Variants in CNTNAP2 observed in about 807,000 individuals in gnomAD.
CNTNAP2 encodes the protein contactin-associated protein-like 2.
CNTNAP2 carries 98 observed loss-of-function variants against 155.2 expected under a neutral mutation model. The observed-to-expected ratio is 0.63, with a 90% confidence interval of 0.54 to 0.75. CNTNAP2 has a LOEUF of 0.75. Among genes scored for constraint, CNTNAP2 ranks in the 30% least tolerant of loss-of-function variants. The pLI is 0.00. For missense variants in CNTNAP2, 1,727 were observed against 1,688.1 expected, an observed-to-expected ratio of 1.02 and a Z score of -0.40; for synonymous variants, 651 against 631.2, an observed-to-expected ratio of 1.03 and a Z score of -0.47.
At chr7:146,172,935 G>A (rs149382546) in intron 1 of CNTNAP2, among the ~76,000 whole-genome samples, 1 of 152,286 alleles carries the variant, frequency 6.6e-6, no homozygotes, top group Non-Finnish European at 1.5e-5. Flanking sequence ...AGGTCCTGAA[G>A]TACTAAAGCC....
At chr7:147,069,967 G>A (rs1421435061) in intron 4 of CNTNAP2, among the ~76,000 whole-genome samples, 2 of 152,128 alleles carry the variant, frequency 1.3e-5, no homozygotes, top group African/African-American at 4.8e-5. Context: ...CAGCATAGAG[G>A]AATAATCTAT....
At chr7:147,069,123 C>G (rs1799841917) in intron 4 of CNTNAP2, among the ~76,000 whole-genome samples, 1 of 152,060 alleles carries the variant, frequency 6.6e-6, no homozygotes, top group African/African-American at 2.4e-5. Context: ...CACTCATCAC[C>G]CGGGGAAGGG....
At chr7:148,325,234 C>T (rs947971062) in intron 21 of CNTNAP2, among the ~76,000 whole-genome samples, 2 of 152,214 alleles carry the variant, frequency 1.3e-5, no homozygotes, top group African/African-American at 2.4e-5. Context: ...CATCTTTTCA[C>T]GTTTATGGCC....
intron 5 of CNTNAP2, among the ~76,000 whole-genome samples, chr7:147,116,559 G>A (rs1165823270): frequency 2.0e-5 from 3 of 151,868 alleles, no homozygotes; most frequent in African/African-American, 7.3e-5. Flanking sequence ...GGGGGGATGG[G>A]GCAGTTAAAG....
chr7:146,306,232 T>C (rs911488363), intron 1 of CNTNAP2, among the ~76,000 whole-genome samples: 4 of 151,910 alleles, frequency 2.6e-5, no homozygotes, highest in Non-Finnish European at 5.9e-5. Context: ...CAATAACAGG[T>C]TCTGAAATTG....
chr7:146,203,358 A>G (rs1798897175), intron 1 of CNTNAP2, among the ~76,000 whole-genome samples: 1 of 152,192 alleles, frequency 6.6e-6, no homozygotes, highest in African/African-American at 2.4e-5. Flanking sequence ...CTTTGGGTTC[A>G]GTTAATTTAT....
At chr7:147,671,621 T>A (rs557295623) in intron 13 of CNTNAP2, 1 of 152,288 alleles carries the variant, frequency 6.6e-6, no homozygotes, top group East Asian at 1.9e-4. Context: ...ATTGTTTCCA[T>A]GGAACAGCTA....
At chr7:148,011,810 A>G (rs1427241970) in intron 15 of CNTNAP2, among the ~76,000 whole-genome samples, 1 of 152,112 alleles carries the variant, frequency 6.6e-6, no homozygotes, top group Non-Finnish European at 1.5e-5. Flanking sequence ...GCTCTTCCTT[A>G]TTCAGTATTC....
intron 1 of CNTNAP2, among the ~76,000 whole-genome samples, chr7:146,681,801 C>G (rs1253369597): frequency 6.6e-6 from 1 of 152,054 alleles, no homozygotes; most frequent in East Asian, 1.9e-4. Context: ...AAGTGCCTTG[C>G]TAAAAGTTAG....
chr7:147,714,422 G>T (rs1796450899), intron 13 of CNTNAP2, among the ~76,000 whole-genome samples: 1 of 116,324 alleles, frequency 8.6e-6, no homozygotes, highest in African/African-American at 2.6e-5. Context: ...AGAGAAAGAG[G>T]TTCTTTGTTT....
chr7:147,540,486 G>A (rs888402373), intron 11 of CNTNAP2, among the ~76,000 whole-genome samples: 10 of 152,278 alleles, frequency 6.6e-5, no homozygotes, highest in Admixed American at 1.3e-4. Context: ...TAAAGAGTAA[G>A]TTATATTTCT....
At chr7:147,171,418 A>G (rs976439840) in intron 8 of CNTNAP2, among the ~76,000 whole-genome samples, 1 of 152,208 alleles carries the variant, frequency 6.6e-6, no homozygotes, top group Non-Finnish European at 1.5e-5. Context: ...TTATGGAAAC[A>G]TGAGGAGAAC....
At chr7:148,205,212 A>G (rs531960295) in intron 18 of CNTNAP2, among the ~76,000 whole-genome samples, 10 of 152,384 alleles carry the variant, frequency 6.6e-5, no homozygotes, top group Middle Eastern at 6.8e-3. Context: ...AGGAATATGC[A>G]GTCTAAGTAC....
chr7:146,181,595 C>T (rs1264016268), intron 1 of CNTNAP2, among the ~76,000 whole-genome samples: 1 of 152,070 alleles, frequency 6.6e-6, no homozygotes, highest in African/African-American at 2.4e-5. Flanking sequence ...AGGATAGTAA[C>T]TGCAGAATAA....
chr7:146,416,417 G>A (rs1393838738), intron 1 of CNTNAP2, among the ~76,000 whole-genome samples: 1 of 151,986 alleles, frequency 6.6e-6, no homozygotes, highest in Non-Finnish European at 1.5e-5. Context: ...GCTCCTGAGA[G>A]GTCACCACAT....
At chr7:146,585,893 T>C (rs1337952443) in intron 1 of CNTNAP2, among the ~76,000 whole-genome samples, 1 of 152,060 alleles carries the variant, frequency 6.6e-6, no homozygotes, top group East Asian at 1.9e-4. Flanking sequence ...TAGTCCCAGC[T>C]ACTCAGGAGG....
At chr7:146,368,185 C>G (rs1795182142) in intron 1 of CNTNAP2, among the ~76,000 whole-genome samples, 2 of 152,136 alleles carry the variant, frequency 1.3e-5, no homozygotes, top group Admixed American at 6.6e-5. Flanking sequence ...ACATATCCCT[C>G]TTCAGCTATT....
In CNTNAP2 at chr7:146,773,557, G is replaced by A. The variant is rs376445071; in HGVS notation, c.98-714G>A. On this transcript the variant is annotated intron_variant, in intron 1 of 23. Coordinates refer to ENST00000361727, the MANE Select transcript of CNTNAP2 (RefSeq NM_014141.6). The stretch of plus-strand genomic sequence containing the variant: ...ATCACAGGCATGCACCACCATGACC[G>A]GTTAATTTATCATTTTTAGTAGAGA... 1.7e-3 allele frequency among the ~76,000 whole-genome samples: 253 copies of A among 152,086 alleles called. 8 individuals carry two copies. The South Asian group carries it at 0.05, about 30-fold the overall frequency.
chr7:147,478,164 G>GA (rs1554489668), intron 10 of CNTNAP2, among the ~76,000 whole-genome samples: 1 of 148,874 alleles, frequency 6.7e-6, no homozygotes, highest in African/African-American at 2.5e-5. Flanking sequence ...TTTTTTTTGG[G>GA]TGGTGGGGGA....
Sources: allele counts gnomAD v4.1 joint callset (sites outside exome capture counted in the v4.1 genomes callset), GRCh38; gene constraint gnomAD v4.1.1; transcripts MANE v1.5; gene names NCBI Gene and HGNC (gene_info 2026-07-23, HGNC 2026-07-21).